The following ANKIB1 variants were observed in gnomAD, a reference collection of about 807,000 sequenced individuals.
The protein encoded by ANKIB1 is ankyrin repeat and IBR domain-containing protein 1.
A neutral mutation model predicts 122.1 loss-of-function variants in ANKIB1; 43 were observed. The ratio of observed to expected loss-of-function variants is 0.35; its 90% confidence interval spans 0.28 to 0.45. The LOEUF (loss-of-function observed/expected upper bound fraction) is 0.45, where lower values mean the gene tolerates loss of function less well. Among genes scored for constraint, ANKIB1 ranks in the 20% least tolerant of loss-of-function variants. The probability of loss-of-function intolerance (pLI) is 1.00; values close to 1 mark genes in which losing one functional copy is unlikely to be tolerated. For missense variants in ANKIB1, 992 were observed against 1,329.5 expected (o/e 0.75, Z 3.95); for synonymous variants, 390 against 442.0 (o/e 0.88, Z 1.48).
intron 1 of ANKIB1, among the ~76,000 whole-genome samples, chr7:92,263,248 T>A (rs1801601194): frequency 6.6e-6 from 1 of 152,202 alleles, no homozygotes; most frequent in Non-Finnish European, 1.5e-5. Context: ...TTTAATTCTG[T>A]AATATTAAAC....
At chr7:92,294,498 T>C (rs755889574) in intron 1 of ANKIB1, 1 of 162,424 alleles carries the variant, frequency 6.2e-6, no homozygotes, top group Non-Finnish European at 1.3e-5. Flanking sequence ...CATTTTTCAC[T>C]ATCCCACAAA....
At chr7:92,329,741 G>A (rs1453039778) in intron 5 of ANKIB1, among the ~76,000 whole-genome samples, 2 of 151,998 alleles carry the variant, frequency 1.3e-5, no homozygotes, top group Non-Finnish European at 2.9e-5. Flanking sequence ...TCTTATATTT[G>A]ACCACAGTCC....
chr7:92,271,005 T>G (rs1278873653), intron 1 of ANKIB1, among the ~76,000 whole-genome samples: 1 of 152,090 alleles, frequency 6.6e-6, no homozygotes, highest in Non-Finnish European at 1.5e-5. Flanking sequence ...ATAATGCTTT[T>G]GTTGTTATGT....
chr7:92,324,853 C>CTGAG (rs1802990781), intron 4 of ANKIB1, among the ~76,000 whole-genome samples: 1 of 152,158 alleles, frequency 6.6e-6, no homozygotes, highest in African/African-American at 2.4e-5. Flanking sequence ...TTCAACAAAA[C>CTGAG]TGAGTGACTG....
At chr7:92,276,282 C>G (rs1015232518) in intron 1 of ANKIB1, among the ~76,000 whole-genome samples, 3 of 152,182 alleles carry the variant, frequency 2.0e-5, no homozygotes, top group Admixed American at 6.5e-5. Flanking sequence ...TGAGTAATGA[C>G]TTCAATTTGT....
chr7:92,262,211 G>A (rs1801580216), intron 1 of ANKIB1, among the ~76,000 whole-genome samples: 1 of 152,168 alleles, frequency 6.6e-6, no homozygotes, highest in Non-Finnish European at 1.5e-5. Context: ...TGTTGCTATG[G>A]CAATAGAATG....
At chr7:92,397,167 T>C (rs1251187496) in intron 18 of ANKIB1, among the ~76,000 whole-genome samples, 7 of 152,062 alleles carry the variant, frequency 4.6e-5, no homozygotes, top group Admixed American at 3.9e-4. Flanking sequence ...CATTTATGAA[T>C]AGAACTATAT....
chr7:92,341,691 A>T (rs1803444031), intron 5 of ANKIB1, among the ~76,000 whole-genome samples: 1 of 152,218 alleles, frequency 6.6e-6, no homozygotes, highest in Non-Finnish European at 1.5e-5. Flanking sequence ...ATGTAAAATA[A>T]TCACCAGAAA....
chr7:92,386,337 T>C (rs1399961928), intron 11 of ANKIB1, among the ~76,000 whole-genome samples, 172 bp from the exon 12 acceptor site: 1 of 152,250 alleles, frequency 6.6e-6, no homozygotes, highest in African/African-American at 2.4e-5. Context: ...CTTTCCATAA[T>C]GCAGATAAGG....
At chr7:92,391,955 A>G (rs905955399) in intron 16 of ANKIB1, among the ~76,000 whole-genome samples, 2 of 152,162 alleles carry the variant, frequency 1.3e-5, no homozygotes, top group East Asian at 3.8e-4. Flanking sequence ...TTTTTACATA[A>G]TATTTATGAG....
chr7:92,327,109 T>C (rs1343388641), intron 4 of ANKIB1, among the ~76,000 whole-genome samples: 1 of 152,204 alleles, frequency 6.6e-6, no homozygotes, highest in Non-Finnish European at 1.5e-5. Context: ...TGCTTAATGG[T>C]GGAATTATAG....
rs1401374537 is a variant in ANKIB1 at position 92,289,440 on chromosome 7, A to G, written c.-90-5449A>G. Reference sequence around the variant, plus strand: ...ACTGCTGGTTTACAGTTGAGGAAACATCTCAAAGAGGTTAAGTTACCTGAT... The same window carrying G: ...ACTGCTGGTTTACAGTTGAGGAAACGTCTCAAAGAGGTTAAGTTACCTGAT... On this transcript the variant is annotated intron_variant, in intron 1 of 19. Transcript: ENST00000265742. Among the ~76,000 whole-genome samples the G allele has an allele frequency of 2.0e-5, 3 of 152,254 alleles. No homozygotes were observed. The East Asian group carries it at 5.8e-4, about 29-fold the overall frequency.
At chr7:92,369,168 A>G (rs1804172801) in intron 10 of ANKIB1, among the ~76,000 whole-genome samples, 1 of 152,222 alleles carries the variant, frequency 6.6e-6, no homozygotes, top group Non-Finnish European at 1.5e-5. Context: ...TGGCCTTATT[A>G]GCCCTAAGTA....
At chr7:92,338,377 C>T (rs1296858139) in intron 5 of ANKIB1, among the ~76,000 whole-genome samples, 1 of 151,620 alleles carries the variant, frequency 6.6e-6, no homozygotes, top group African/African-American at 2.4e-5. Flanking sequence ...ATTGATCGCC[C>T]CACTGCACTC....
At chr7:92,325,426 AG>A (rs1220624116) in intron 4 of ANKIB1, among the ~76,000 whole-genome samples, 1 of 152,176 alleles carries the variant, frequency 6.6e-6, no homozygotes, top group Non-Finnish European at 1.5e-5. Flanking sequence ...ATAAGGAGAG[AG>A]GAAGCTGAAA....
At chr7:92,305,353 A>G (rs1329488640) in intron 2 of ANKIB1, among the ~76,000 whole-genome samples, 1 of 152,192 alleles carries the variant, frequency 6.6e-6, no homozygotes, top group African/African-American at 2.4e-5. Flanking sequence ...CCCCAGTCCC[A>G]TGTCACTGAT....
rs1803060530 is a variant in ANKIB1, at chr7:92,327,851, C to T, written c.738C>T (p.Asp246=). The T allele has an allele frequency of 6.3e-7, 1 of 1,596,344 alleles. No individual in the cohort carries two copies. Among genetic ancestry groups the T allele is most frequent in the Non-Finnish European group, 8.5e-7 (1 of 1,175,090 alleles). ...ATATGCTTATTGTGGAAACTGCAGA[C>T]ATGCTTCAGGCTCCTCTCTTTACTG... ...LKDMLIVETA[D]MLQAPLFTAE... Residue 246 remains aspartate (D), a synonymous_variant, in exon 5 of 20, where the codon GAC becomes GAT. Transcript: ENST00000265742.
At chr7:92,317,046 G>A (rs1453868385) in intron 3 of ANKIB1, among the ~76,000 whole-genome samples, 1 of 152,144 alleles carries the variant, frequency 6.6e-6, no homozygotes, top group Non-Finnish European at 1.5e-5. Flanking sequence ...TAGTTCTGCA[G>A]CAGTCAGGAG....
intron 2 of ANKIB1, among the ~76,000 whole-genome samples, chr7:92,304,015 C>G (rs747835996): frequency 6.6e-6 from 1 of 152,018 alleles, no homozygotes; most frequent in Non-Finnish European, 1.5e-5. Context: ...CCTACCCCAC[C>G]TTCCTGTTAA....
Sources: gnomAD v4.1 joint callset for allele counts (sites outside exome capture counted in the v4.1 genomes callset) on GRCh38, gnomAD v4.1.1 for gene constraint, MANE v1.5 for transcripts, NCBI Gene and HGNC (gene_info 2026-07-23, HGNC 2026-07-21) for gene names.